VWC2: variants seen among roughly 807,000 people sequenced by gnomAD.
VWC2 encodes the protein von Willebrand factor C domain containing 2, also known as brorin.
A neutral mutation model predicts 29.8 loss-of-function variants in VWC2; 14 were observed. That is an observed-to-expected ratio of 0.47 (90% CI 0.31 to 0.74). The LOEUF (loss-of-function observed/expected upper bound fraction) is 0.74, where lower values mean the gene tolerates loss of function less well. VWC2 is among the 30% of genes least tolerant of loss of function. The pLI is 0.05. For synonymous variants in VWC2, 213 were observed against 199.0 expected (o/e 1.07, Z -0.59); for missense variants, 457 against 459.8 (o/e 0.99, Z 0.05).
At chr7:49,818,469 C>G (rs1583648468) in intron 3 of VWC2, among the ~76,000 whole-genome samples, 1 of 152,006 alleles carries the variant, frequency 6.6e-6, no homozygotes, top group Admixed American at 6.6e-5. Flanking sequence ...TTATGCCAGT[C>G]TGATGTTTTA....
At chr7:49,818,843 A>G (rs929116309) in intron 3 of VWC2, among the ~76,000 whole-genome samples, 21 of 148,426 alleles carry the variant, frequency 1.4e-4, no homozygotes, top group Non-Finnish European at 2.7e-4. Context: ...TTCAATATAT[A>G]TCATATATAT....
intron 3 of VWC2, among the ~76,000 whole-genome samples, chr7:49,896,602 C>T (rs938571169): frequency 8.6e-5 from 13 of 152,040 alleles, no homozygotes; most frequent in South Asian, 2.1e-4. Context: ...AAACCAAAAA[C>T]TGGTTGGTTC....
intron 3 of VWC2, among the ~76,000 whole-genome samples, chr7:49,837,844 G>A (rs754137501): frequency 2.0e-5 from 3 of 152,264 alleles, no homozygotes; most frequent in Admixed American, 6.5e-5. Context: ...CCTAGGAGGA[G>A]CATATTTATT....
chr7:49,852,775 C>T (rs1183299723), intron 3 of VWC2, among the ~76,000 whole-genome samples: 1 of 152,152 alleles, frequency 6.6e-6, no homozygotes, highest in Non-Finnish European at 1.5e-5. Context: ...CTGGTTCCTC[C>T]CTCTGCTCTC....
At chr7:49,880,869 A>C (rs1791632949) in intron 3 of VWC2, among the ~76,000 whole-genome samples, 1 of 152,154 alleles carries the variant, frequency 6.6e-6, no homozygotes, top group East Asian at 1.9e-4. Flanking sequence ...GAATACTGTA[A>C]ATACTACTAG....
chr7:49,884,950 C>G (rs1418292389), intron 3 of VWC2, among the ~76,000 whole-genome samples: 2 of 151,898 alleles, frequency 1.3e-5, no homozygotes, highest in East Asian at 3.9e-4. Flanking sequence ...TAGTTTCTAA[C>G]AAGTCAAATA....
At chr7:49,872,029 T>C (rs1263895960) in intron 3 of VWC2, among the ~76,000 whole-genome samples, 1 of 144,432 alleles carries the variant, frequency 6.9e-6, no homozygotes, top group Non-Finnish European at 1.5e-5. Context: ...AAGTAATATA[T>C]AGAAAAAAAT....
intron 3 of VWC2, among the ~76,000 whole-genome samples, chr7:49,829,277 G>GT (rs199733157): frequency 0.017 from 2,535 of 152,272 alleles, 38 homozygotes; most frequent in Middle Eastern, 0.051. Flanking sequence ...GTGACTTGAG[G>GT]TTTTTTAGAA....
intron 2 of VWC2, among the ~76,000 whole-genome samples, chr7:49,783,066 A>G (rs989306141): frequency 2.0e-5 from 3 of 152,138 alleles, no homozygotes; most frequent in African/African-American, 7.2e-5. Context: ...GGACTCTTGT[A>G]GAACCTCTAA....
At chr7:49,895,190 G>A (rs969745263) in intron 3 of VWC2, among the ~76,000 whole-genome samples, 4 of 152,142 alleles carry the variant, frequency 2.6e-5, no homozygotes, top group South Asian at 2.1e-4. Context: ...CCATGGTAGC[G>A]TCCTCACACA....
intron 2 of VWC2, among the ~76,000 whole-genome samples, chr7:49,788,044 A>G (rs1788339588): frequency 6.6e-6 from 1 of 152,178 alleles, no homozygotes; most frequent in Admixed American, 6.5e-5. Flanking sequence ...GACTTCATCA[A>G]ACGGAGAAAC....
chr7:49,861,946 T>C (rs1395086795), intron 3 of VWC2, among the ~76,000 whole-genome samples: 1 of 152,220 alleles, frequency 6.6e-6, no homozygotes, highest in Non-Finnish European at 1.5e-5. Flanking sequence ...TTAAAGATTA[T>C]TATGGTTATC....
intron 2 of VWC2, among the ~76,000 whole-genome samples, chr7:49,787,285 C>T (rs1476314795): frequency 1.3e-5 from 2 of 152,222 alleles, no homozygotes; most frequent in East Asian, 3.8e-4. Flanking sequence ...TGTATCTTTG[C>T]TTTCCTCATA....
chr7:49,776,053 G>A lies in VWC2; in HGVS notation c.618G>A (p.Gln206=). The A allele has an allele frequency of 1.9e-6, 3 of 1,553,550 alleles. No homozygotes were observed. The highest frequency in any genetic ancestry group is 2.6e-6 in the Non-Finnish European group (3 of 1,155,344). The change falls in exon 2 of 4, where the codon CAG becomes CAA. Residue 206 remains glutamine, a synonymous_variant. Coordinates refer to ENST00000340652, the MANE Select transcript of VWC2 (RefSeq NM_198570.5). ...HPRCIHVDTS[Q]CCPQCKERKN... ...GCTGCATCCACGTCGACACGAGCCA[G>A]TGCTGCCCGCAGTGCAAGGAGAGGA...
At position 49,918,006 on chromosome 7, in the gene VWC2, T is replaced by C. The variant is rs567191304; in HGVS notation, c.*5821T>C. Reference sequence around the variant, plus strand: ...GTATCCAGTAAGTAATATACACCTATGAAACTATTAATGTTCTTTATACTA... The same window carrying C: ...GTATCCAGTAAGTAATATACACCTACGAAACTATTAATGTTCTTTATACTA... On this transcript the variant is annotated 3_prime_UTR_variant, in exon 4 of 4. Transcript: ENST00000340652. 5.4e-4 allele frequency: 82 copies of C among 152,316 alleles called. No homozygotes were observed. The highest frequency in any genetic ancestry group is 1.9e-3 in the African/African-American group (81 of 41,588). 9.4% of individuals were successfully genotyped at this position (152,316 alleles called of 1,614,324 possible).
chr7:49,890,232 A>G (rs1792071700), intron 3 of VWC2, among the ~76,000 whole-genome samples: 1 of 152,206 alleles, frequency 6.6e-6, no homozygotes, highest in Non-Finnish European at 1.5e-5. Context: ...TAATTTTCCC[A>G]GGTCAAGCGT....
At chr7:49,838,244 A>G (rs1339410352) in intron 3 of VWC2, among the ~76,000 whole-genome samples, 1 of 152,248 alleles carries the variant, frequency 6.6e-6, no homozygotes, top group Non-Finnish European at 1.5e-5. Flanking sequence ...ACAACCGTAA[A>G]AGGCAAAATG....
chr7:49,774,599 C>G (rs979788933), intron 1 of VWC2, among the ~76,000 whole-genome samples: 2 of 152,206 alleles, frequency 1.3e-5, no homozygotes, highest in Non-Finnish European at 2.9e-5. Context: ...AGCCAGGACA[C>G]TACAAGACTG....
intron 3 of VWC2, among the ~76,000 whole-genome samples, chr7:49,900,404 G>T (rs908130720): frequency 1.8e-4 from 27 of 151,546 alleles, no homozygotes; most frequent in African/African-American, 6.5e-4. Context: ...ATTAATAAAA[G>T]TTCTAAGTAT....
Sources: allele counts gnomAD v4.1 joint callset (sites outside exome capture counted in the v4.1 genomes callset), GRCh38; gene constraint gnomAD v4.1.1; transcripts MANE v1.5; gene names NCBI Gene and HGNC (gene_info 2026-07-23, HGNC 2026-07-21).